Variants in ACVR1 observed in about 807,000 individuals in gnomAD.
ACVR1 encodes activin receptor type-1.
In ACVR1, 38 loss-of-function variants were observed where a neutral mutation model predicts 57.1. The ratio of observed to expected loss-of-function variants is 0.67; its 90% CI spans 0.51 to 0.87. ACVR1 has a LOEUF of 0.87. Among genes scored for constraint, ACVR1 ranks in the 40% least tolerant of loss-of-function variants. ACVR1 has a pLI of 0.00. For missense variants in ACVR1, 463 were observed against 638.2 expected, an observed-to-expected ratio of 0.73 and a Z score of 2.96; for synonymous variants, 212 against 228.1, an observed-to-expected ratio of 0.93 and a Z score of 0.63.
chr2:157,760,754 G>T, intron 9 of ACVR1, 126 bp downstream of exon 9: 2 of 890,476 alleles, frequency 2.2e-6, no homozygotes, highest in Non-Finnish European at 3.5e-6. Flanking sequence ...AAATATGAAT[G>T]CCTATAACTC....
At chr2:157,872,225 A>AT (rs1553453844) in intron 1 of ACVR1, among the ~76,000 whole-genome samples, 1 of 152,174 alleles carries the variant, frequency 6.6e-6, no homozygotes, top group Non-Finnish European at 1.5e-5. Flanking sequence ...AAAACAGGAG[A>AT]TTCTGCGGAT....
intron 1 of ACVR1, among the ~76,000 whole-genome samples, chr2:157,875,380 G>T (rs1216470116): frequency 6.6e-6 from 1 of 152,064 alleles, no homozygotes; most frequent in Non-Finnish European, 1.5e-5. Flanking sequence ...GGGGAAATTC[G>T]CCTATCTATC....
intron 2 of ACVR1, among the ~76,000 whole-genome samples, chr2:157,810,972 C>T (rs1271764318): frequency 1.3e-5 from 2 of 152,114 alleles, no homozygotes; most frequent in Non-Finnish European, 1.5e-5. Context: ...ATTCCCAAGC[C>T]TCACCCCCTA....
intron 1 of ACVR1, among the ~76,000 whole-genome samples, chr2:157,857,833 T>C (rs1255498262): frequency 6.6e-6 from 1 of 152,142 alleles, no homozygotes; most frequent in Non-Finnish European, 1.5e-5. Context: ...AAAAGGTGAG[T>C]AGTTATGATT....
At position 157,738,033 on chromosome 2, in the gene ACVR1, G is replaced by A. The variant is rs115052428; in HGVS notation, c.1396-368C>T. Among the ~76,000 whole-genome samples the A allele has an allele frequency of 9.5e-4, 144 of 152,280 alleles. 1 individual carries two copies. Among genetic ancestry groups the A allele is most frequent in the African/African-American group, 3.3e-3 (137 of 41,548 alleles). ...GTTTTATACCTGCTACTACTTATGA[G>A]TAGCAATACAGGATCTTCAGCATCC... On this transcript the variant is annotated intron_variant, in intron 10 of 10. Transcript: ENST00000434821.
chr2:157,825,862 C>T lies in ACVR1; in HGVS notation c.-182-7303G>A, dbSNP rs13007732. Among the ~76,000 whole-genome samples the T allele has an allele frequency of 9.8e-3, 1,486 of 152,256 alleles. 9 individuals carry two copies. The highest frequency in any genetic ancestry group is 0.034 in the Middle Eastern group (10 of 294). On this transcript the variant is annotated intron_variant, in intron 1 of 10. Transcript: ENST00000434821. ...TGGAAGAGAAGAAAGAAGGAAATGG[C>T]CACTTCTTCCATTCCCCCAACACAC...
chr2:157,870,722 C>T (rs535137288), intron 1 of ACVR1, among the ~76,000 whole-genome samples: 41 of 152,256 alleles, frequency 2.7e-4, no homozygotes, highest in African/African-American at 9.6e-4. Flanking sequence ...AAAATGGAAG[C>T]ATCACTCTTA....
intron 1 of ACVR1, among the ~76,000 whole-genome samples, chr2:157,865,821 A>AAAGAT (rs1553452951): frequency 2.2e-5 from 3 of 137,030 alleles, no homozygotes; most frequent in Middle Eastern, 3.7e-3. Flanking sequence ...AAAAAGAAAA[A>AAAGAT]AGATAGATAG....
In ACVR1 at chr2:157,780,535, C is replaced by T; in HGVS notation, c.133G>A (p.Glu45Lys). The T allele has an allele frequency of 6.2e-7, 1 of 1,613,828 alleles. No homozygotes were observed. The highest frequency in any genetic ancestry group is 8.5e-7 in the Non-Finnish European group (1 of 1,180,012). Reference protein sequence around the residue: ...CVCEGLSCGNEDHCEGQQCFS... With the variant: ...CVCEGLSCGNKDHCEGQQCFS... ...CACTGCTGGCCTTCACAGTGGTCCT[C>T]ATTACCGCAGGAGAGACCTTCACAC... Residue 45 changes from glutamate (E) to lysine (K), a missense_variant, in exon 4 of 11, where the codon GAG (glutamate) becomes AAG (lysine). Around this residue, in one of 3 missense-constraint regions of ACVR1, gnomAD observed 203 missense variants for 235.5 expected, o/e 0.86. Transcript: ENST00000434821.
chr2:157,806,083 C>T (rs1049315025), intron 2 of ACVR1, among the ~76,000 whole-genome samples: 1 of 152,044 alleles, frequency 6.6e-6, no homozygotes, highest in African/African-American at 2.4e-5. Context: ...CTGCCTCGGC[C>T]TCCCAAAGTG....
chr2:157,844,304 G>A (rs1574139707), intron 1 of ACVR1, among the ~76,000 whole-genome samples: 1 of 152,202 alleles, frequency 6.6e-6, no homozygotes, highest in African/African-American at 2.4e-5. Flanking sequence ...TGACAGCTCT[G>A]CCCCCAAGAC....
Position 157,810,264 on chromosome 2 carries a change from C to T in ACVR1, c.-8+8121G>A, listed in dbSNP as rs78875016. The stretch of plus-strand genomic sequence containing the variant: ...AATGACTGAAAAACACCACTCTGTA[C>T]CAGGCAATCCCTTAAGGAGGTTCTA... On this transcript the variant is annotated intron_variant, in intron 2 of 10. Coordinates refer to ENST00000434821, the MANE Select transcript of ACVR1 (RefSeq NM_001111067.4). Among the ~76,000 whole-genome samples the T allele has an allele frequency of 2.7e-4, 41 of 152,302 alleles. No individual in the cohort carries two copies. The East Asian group carries it at 7.9e-3, about 29-fold the overall frequency.
chr2:157,835,336 A>G (rs1688743969), intron 1 of ACVR1, among the ~76,000 whole-genome samples: 1 of 152,194 alleles, frequency 6.6e-6, no homozygotes, highest in African/African-American at 2.4e-5. Flanking sequence ...TCAATTAAAA[A>G]TTATACCTGC....
chr2:157,822,013 T>G (rs1688178673), intron 1 of ACVR1, among the ~76,000 whole-genome samples: 1 of 152,154 alleles, frequency 6.6e-6, no homozygotes, highest in Non-Finnish European at 1.5e-5. Flanking sequence ...AGCTCTTTAG[T>G]TACAATCATA....
intron 1 of ACVR1, among the ~76,000 whole-genome samples, chr2:157,860,892 G>C (rs1384969130): frequency 7.2e-5 from 11 of 152,150 alleles, no homozygotes; most frequent in Non-Finnish European, 1.3e-4. Context: ...CTGCTGCAAA[G>C]CTGATTCTGA....
At chr2:157,753,177 A>C (rs1391711556) in intron 9 of ACVR1, among the ~76,000 whole-genome samples, 1 of 152,224 alleles carries the variant, frequency 6.6e-6, no homozygotes, top group Non-Finnish European at 1.5e-5. Context: ...TGTATCAGAC[A>C]AAACAAACTT....
At chr2:157,829,437 A>G (rs1688505936) in intron 1 of ACVR1, among the ~76,000 whole-genome samples, 8 of 152,160 alleles carry the variant, frequency 5.3e-5, no homozygotes, top group Admixed American at 3.3e-4. Context: ...CATCCCTGCC[A>G]TGAGTGTAGT....
intron 3 of ACVR1, among the ~76,000 whole-genome samples, chr2:157,788,015 C>G (rs148860073): frequency 6.6e-6 from 1 of 152,194 alleles, no homozygotes; most frequent in African/African-American, 2.4e-5. Context: ...TTTCAAACTA[C>G]AGAGACAAAC....
chr2:157,867,791 T>C (rs1689990643), intron 1 of ACVR1, among the ~76,000 whole-genome samples: 1 of 152,080 alleles, frequency 6.6e-6, no homozygotes. Context: ...CTGATGGTGA[T>C]GTGGGAATTT....
Sources: gnomAD v4.1 joint callset for allele counts (sites outside exome capture counted in the v4.1 genomes callset) on GRCh38, gnomAD v4.1.1 for gene constraint, gnomAD v4.1.1 regional missense constraint, MANE v1.5 for transcripts, NCBI Gene and HGNC (gene_info 2026-07-23, HGNC 2026-07-21) for gene names.